The following CCDC80 variants were observed in gnomAD, a reference collection of about 807,000 sequenced individuals.
CCDC80 encodes coiled-coil domain-containing protein 80.
Under a neutral mutation model 78.7 loss-of-function variants are expected in CCDC80, and 49 were observed. That is an observed-to-expected ratio of 0.62 (90% CI 0.50 to 0.79). The LOEUF (loss-of-function observed/expected upper bound fraction) is 0.79. CCDC80 is among the 30% of genes least tolerant of loss of function. The pLI is 0.00. For synonymous variants in CCDC80, 488 were observed against 447.0 expected (o/e 1.09, Z -1.16); for missense variants, 1,205 against 1,198.6 (o/e 1.01, Z -0.08).
At chr3:112,613,509 C>T (rs1935673314) in intron 5 of CCDC80, among the ~76,000 whole-genome samples, 1 of 151,890 alleles carries the variant, frequency 6.6e-6, no homozygotes, top group African/African-American at 2.4e-5. Flanking sequence ...AAAAAAAATA[C>T]AAAATTTAAG....
intron 3 of CCDC80, among the ~76,000 whole-genome samples, chr3:112,620,375 C>A (rs1309728412): frequency 5.3e-5 from 8 of 152,228 alleles, no homozygotes; most frequent in Non-Finnish European, 7.4e-5. Flanking sequence ...AGATGAGAAC[C>A]AAGCACTGTC....
At chr3:112,610,929 T>TG (rs1448792486) in intron 5 of CCDC80, among the ~76,000 whole-genome samples, 1 of 148,604 alleles carries the variant, frequency 6.7e-6, no homozygotes, top group Non-Finnish European at 1.5e-5. Context: ...TTTTTTTTTT[T>TG]TTTGAGACAG....
At chr3:112,624,595 A>G (rs1033141884) in intron 3 of CCDC80, among the ~76,000 whole-genome samples, 2 of 152,138 alleles carry the variant, frequency 1.3e-5, no homozygotes, top group Admixed American at 1.3e-4. Context: ...CCACTGTGAG[A>G]TGAGTGACCT....
rs1936068033 is a variant in CCDC80, at chr3:112,630,142, C to G, written c.2006G>C (p.Ser669Thr). 2 of 1,613,726 alleles carry G rather than the reference C, an allele frequency of 1.2e-6. No homozygotes were observed. Among genetic ancestry groups the G allele is most frequent in the Non-Finnish European group, 1.7e-6 (2 of 1,179,824 alleles). ...VITIFGPVNN[S>T]TMKIDHFQLD... is the part of the protein sequence containing the mutation. Reference sequence around the variant, plus strand: ...CTGAAAGTGGTCGATTTTCATGGTGCTGTTGTTGACAGGGCCGAAGATGGT... The same window carrying G: ...CTGAAAGTGGTCGATTTTCATGGTGGTGTTGTTGACAGGGCCGAAGATGGT... The change falls in exon 3 of 8, where the codon AGC becomes ACC. Residue 669 changes from serine (S) to threonine (T), a missense_variant. By Grantham distance (58) the Ser-to-Thr change is moderately conservative. Coordinates refer to ENST00000206423, the MANE Select transcript of CCDC80 (RefSeq NM_199511.3).
At chr3:112,624,560 G>A (rs1935931081) in intron 3 of CCDC80, among the ~76,000 whole-genome samples, 1 of 152,084 alleles carries the variant, frequency 6.6e-6, no homozygotes, top group Admixed American at 6.5e-5. Flanking sequence ...TACTCTATGA[G>A]TGGGTCATTT....
rs933194239 is a variant in CCDC80, at chr3:112,604,458, T to A, written c.*959A>T. 2 of 151,852 alleles carry A rather than the reference T, an allele frequency of 1.3e-5. No homozygotes were observed. The highest frequency in any genetic ancestry group is 4.9e-5 in the African/African-American group (2 of 41,130). 9.4% of individuals were successfully genotyped at this position (151,852 alleles called of 1,614,324 possible). Reference sequence around the variant, plus strand: ...GCAATTTTTAGCAATAAAGTATTTTTAAAATAAAACATGTACATTTTTTGG... The same window carrying A: ...GCAATTTTTAGCAATAAAGTATTTTAAAAATAAAACATGTACATTTTTTGG... On this transcript the variant is annotated 3_prime_UTR_variant, in exon 8 of 8. Coordinates refer to ENST00000206423, the MANE Select transcript of CCDC80 (RefSeq NM_199511.3).
intron 7 of CCDC80, 65 bp from the exon 8 acceptor site, chr3:112,605,828 A>T (rs1385108238): frequency 1.5e-6 from 2 of 1,337,306 alleles, no homozygotes; most frequent in Admixed American, 4.2e-5. Context: ...AAAACATTAA[A>T]GTGTGAGGAA....
chr3:112,622,504 T>C (rs551855486), intron 3 of CCDC80, among the ~76,000 whole-genome samples: 7 of 152,204 alleles, frequency 4.6e-5, no homozygotes, highest in Non-Finnish European at 8.8e-5. Context: ...GCATTCTATC[T>C]AAATCAGGGC....
In CCDC80 at chr3:112,605,471, A is replaced by G. The variant is rs1008611522; in HGVS notation, c.2799T>C (p.Gly933=). The G allele has an allele frequency of 1.9e-6, 3 of 1,614,154 alleles. No individual in the cohort carries two copies. The highest frequency in any genetic ancestry group is 3.3e-5 in the Admixed American group (2 of 60,020). The change falls in exon 8 of 8, where the codon GGT becomes GGC. Residue 933 remains glycine, a synonymous_variant. Coordinates refer to ENST00000206423, the MANE Select transcript of CCDC80 (RefSeq NM_199511.3). ...CATGATGACGGTAGTCATCCTGGTAACCATCCTGGTATCCTTGGTGGTAAC... is the reference window on the plus strand; with the variant it reads ...CATGATGACGGTAGTCATCCTGGTAGCCATCCTGGTATCCTTGGTGGTAAC... The part of the protein sequence containing the change: ...YHSYHQGYQD[G]YQDDYRHHES...
intron 6 of CCDC80, among the ~76,000 whole-genome samples, chr3:112,608,642 G>T (rs1197535540): frequency 6.6e-6 from 1 of 152,216 alleles, no homozygotes; most frequent in South Asian, 2.1e-4. Context: ...TCTTGTAAAG[G>T]TTCTTAACTG....
Position 112,639,432 on chromosome 3 carries a change from A to G in CCDC80, c.474T>C (p.His158=). The G allele has an allele frequency of 2.5e-6, 4 of 1,614,174 alleles. No individual in the cohort carries two copies. The highest frequency in any genetic ancestry group is 3.4e-6 in the Non-Finnish European group (4 of 1,180,040). ...TGAGGCGGTAGTAGCCTTCCGAGGC[A>G]TGAGGGGCTGAGATGACCCATACTC... ...KNRVWVISAP[H]ASEGYYRLMM... Residue 158 remains histidine (H), a synonymous_variant, in exon 2 of 8, where the codon CAT becomes CAC. Coordinates refer to ENST00000206423, the MANE Select transcript of CCDC80 (RefSeq NM_199511.3).
intron 3 of CCDC80, among the ~76,000 whole-genome samples, chr3:112,629,136 A>G (rs2107489489): frequency 6.6e-6 from 1 of 152,310 alleles, no homozygotes; most frequent in Non-Finnish European, 1.5e-5. Context: ...TGTTATGTGT[A>G]TTGAAGTTAA....
intron 2 of CCDC80, among the ~76,000 whole-genome samples, chr3:112,631,224 G>C (rs551648888): frequency 9.2e-5 from 14 of 152,186 alleles, no homozygotes; most frequent in African/African-American, 3.1e-4. Context: ...GCCCTTCCCT[G>C]AGCCTTCTCC....
chr3:112,628,690 G>T (rs111623090), intron 3 of CCDC80, among the ~76,000 whole-genome samples: 1 of 152,020 alleles, frequency 6.6e-6, no homozygotes, highest in Non-Finnish European at 1.5e-5. Context: ...TTGTTGTTTT[G>T]GTTAAGAAAA....
intron 3 of CCDC80, among the ~76,000 whole-genome samples, chr3:112,626,841 C>A (rs1935985766): frequency 6.6e-6 from 1 of 152,186 alleles, no homozygotes; most frequent in African/African-American, 2.4e-5. Context: ...AGCCACTGCA[C>A]CTGGCGTACC....
Position 112,605,400 on chromosome 3 carries a change from A to T in CCDC80, c.*17T>A. ...CTGCAGAGGAAACTGGCTGAGTCTA[A>T]GGTTACATATTTCTGCTCAGTAAGG... On this transcript the variant is annotated 3_prime_UTR_variant, in exon 8 of 8. Coordinates refer to ENST00000206423, the MANE Select transcript of CCDC80 (RefSeq NM_199511.3). 1.3e-6 allele frequency: 2 copies of T among 1,580,440 alleles called. No individual in the cohort carries two copies. The highest frequency in any genetic ancestry group is 1.7e-6 in the Non-Finnish European group (2 of 1,154,658).
chr3:112,638,802 C>T lies in CCDC80; in HGVS notation c.1104G>A (p.Ala368=), dbSNP rs780579751. Residue 368 remains alanine, a synonymous_variant, in exon 2 of 8, where the codon GCG becomes GCA. Coordinates refer to ENST00000206423, the MANE Select transcript of CCDC80 (RefSeq NM_199511.3). The part of the protein sequence containing the change: ...ATTVTRSTSR[A]VTVAARPMTT... Reference sequence around the variant, plus strand: ...TCATAGGTCTTGCAGCAACTGTTACCGCCCGGGACGTGGACCGAGTCACTG... The same window carrying T: ...TCATAGGTCTTGCAGCAACTGTTACTGCCCGGGACGTGGACCGAGTCACTG... The T allele has an allele frequency of 6.2e-7, 1 of 1,613,600 alleles. No individual in the cohort carries two copies. Among genetic ancestry groups the T allele is most frequent in the Non-Finnish European group, 8.5e-7 (1 of 1,179,976 alleles).
At chr3:112,607,741 G>A (rs111798384) in intron 6 of CCDC80, among the ~76,000 whole-genome samples, 8 of 152,218 alleles carry the variant, frequency 5.3e-5, no homozygotes, top group South Asian at 2.1e-4. Flanking sequence ...AGCCGAGATC[G>A]CGCCACTGCA....
chr3:112,599,754 AC>A lies in CCDC80; in HGVS notation c.*5662del, dbSNP rs1359074996. On this transcript the variant is annotated 3_prime_UTR_variant, in exon 8 of 8. Transcript: ENST00000206423. ...CAGAAAATGGGACCAGCTGGGTTGCACCCACTCCCCTGTGTCTGGACCTCCT... is the reference window on the plus strand; with the variant it reads ...CAGAAAATGGGACCAGCTGGGTTGCACCACTCCCCTGTGTCTGGACCTCCT... The A allele has an allele frequency of 6.6e-6, 1 of 152,174 alleles. No homozygotes were observed. Among genetic ancestry groups the A allele is most frequent in the Non-Finnish European group, 1.5e-5 (1 of 68,044 alleles). The allele number at this position is 152,174 out of a possible 1,614,324, so 9.4% of individuals were successfully genotyped here. A position where few individuals can be genotyped will look rare whatever the true frequency, so the allele number is the denominator to read the frequency against.
Sources: allele counts gnomAD v4.1 joint callset (sites outside exome capture counted in the v4.1 genomes callset), GRCh38; gene constraint gnomAD v4.1.1; transcripts MANE v1.5; gene names NCBI Gene and HGNC (gene_info 2026-07-23, HGNC 2026-07-21).